Variants in PRPF8 observed in about 807,000 individuals in gnomAD.
PRPF8 encodes the protein pre-mRNA processing factor 8, also known as pre-mRNA-processing-splicing factor 8.
A neutral mutation model predicts 285.9 loss-of-function variants in PRPF8; 64 were observed. That is an observed-to-expected ratio of 0.22 (90% CI 0.18 to 0.28). The LOEUF is 0.28. PRPF8 is among the 10% of genes least tolerant of loss of function. PRPF8 has a pLI of 1.00. For synonymous variants in PRPF8, 1,325 were observed against 1,118.2 expected (o/e 1.18, Z -3.69); for missense variants, 1,426 against 3,026.7 (o/e 0.47, Z 12.41).
In PRPF8 at chr17:1,661,885, A is replaced by C. The variant is rs1280844159; in HGVS notation, c.4022+21T>G. On this transcript the variant is annotated intron_variant, in intron 25 of 42. Coordinates refer to ENST00000304992, the MANE Select transcript of PRPF8 (RefSeq NM_006445.4). The surrounding 1 kb of genome is among the most constrained non-coding windows in gnomAD (Gnocchi z 7.3). Reference sequence around the variant, plus strand: ...AGGGCCTGAGCAATAGGGTTTAGAAATACGTTGAACCAGGCTGTACCTGAG... The same window carrying C: ...AGGGCCTGAGCAATAGGGTTTAGAACTACGTTGAACCAGGCTGTACCTGAG... 1 of 1,614,224 alleles carries C rather than the reference A, an allele frequency of 6.2e-7. No individual in the cohort carries two copies. Among genetic ancestry groups the C allele is most frequent in the Non-Finnish European group, 8.5e-7 (1 of 1,180,036 alleles).
At position 1,679,283 on chromosome 17, in the gene PRPF8, C is replaced by A. The variant is rs1219616217; in HGVS notation, c.1409+8G>T. ...AGAAGTCTGCGCAGGGCCCCTGGGG[C>A]ACCTTACCTCTTCTTTTGAGCCTTA... On this transcript the variant is annotated splice_region_variant and intron_variant, in intron 10 of 42. Coordinates refer to ENST00000304992, the MANE Select transcript of PRPF8 (RefSeq NM_006445.4). This position sits in a 1 kb window ranked among gnomAD's most constrained non-coding sequence, Gnocchi z 4.7. 35 of 1,614,046 alleles carry A rather than the reference C, an allele frequency of 2.2e-5. No homozygotes were observed. The highest frequency in any genetic ancestry group is 2.8e-5 in the Non-Finnish European group (33 of 1,180,048).
At chr17:1,683,838 C>T (rs1913075576) in intron 2 of PRPF8, 137 bp from the exon 3 acceptor site, 2 of 1,004,692 alleles carry the variant, frequency 2.0e-6, no homozygotes, top group Non-Finnish European at 1.5e-6. Context: ...TTGCCAATTC[C>T]CTTACCATTT....
chr17:1,663,957 T>TA (rs1911815316), intron 24 of PRPF8, among the ~76,000 whole-genome samples: 1 of 152,152 alleles, frequency 6.6e-6, no homozygotes, highest in African/African-American at 2.4e-5. Context: ...CTAATAATCC[T>TA]AAATACATTA....
intron 2 of PRPF8, among the ~76,000 whole-genome samples, chr17:1,684,041 C>G (rs755409100): frequency 1.3e-5 from 2 of 152,072 alleles, no homozygotes; most frequent in Non-Finnish European, 2.9e-5. Flanking sequence ...CACGCGCCAC[C>G]ACACACGACT....
Position 1,680,308 on chromosome 17 carries a change from T to G in PRPF8, c.1098+418A>C, listed in dbSNP as rs2151130705. On this transcript the variant is annotated intron_variant, in intron 8 of 42. Transcript: ENST00000304992. The stretch of plus-strand genomic sequence containing the variant: ...AAATGGCGAGTAACTGCTAAGGGTT[T>G]CTTTCTCAAGTAATAAAAATATTCT... Among the ~76,000 whole-genome samples the G allele has an allele frequency of 2.0e-5, 3 of 152,350 alleles. No homozygotes were observed. In the Middle Eastern group the frequency reaches 0.01, roughly 518 times the overall value.
At chr17:1,677,806 G>A (rs1018023419) in intron 13 of PRPF8, 112 bp from the exon 14 acceptor site, 5 of 1,397,348 alleles carry the variant, frequency 3.6e-6, no homozygotes, top group Admixed American at 1.7e-5. Flanking sequence ...GAGGAATGTA[G>A]GTATGGCAGT....
Position 1,679,047 on chromosome 17 carries a change from G to A in PRPF8, c.1569C>T (p.Asn523=), listed in dbSNP as rs1035101174. 1.9e-6 allele frequency: 3 copies of A among 1,614,076 alleles called. No individual in the cohort carries two copies. Among genetic ancestry groups the A allele is most frequent in the Non-Finnish European group, 2.5e-6 (3 of 1,180,040 alleles). ...LNYLHLDYNF[N]LKPVKTLTTK... ...TGGTGAGCGTTTTCACAGGCTTGAG[G>A]TTGAAGTTGTAGTCCAGGTGCAGGT... The change falls in exon 11 of 43, where the codon AAC becomes AAT. Residue 523 remains asparagine, a synonymous_variant. Coordinates refer to ENST00000304992, the MANE Select transcript of PRPF8 (RefSeq NM_006445.4). This position sits in a 1 kb window ranked among gnomAD's most constrained non-coding sequence, Gnocchi z 4.7.
chr17:1,677,349 C>A, intron 14 of PRPF8, 177 bp from the exon 15 acceptor site: 2 of 960,052 alleles, frequency 2.1e-6, no homozygotes, highest in Admixed American at 4.1e-5. Flanking sequence ...AACTATGCTT[C>A]TGAGGAATTT....
In PRPF8 at chr17:1,650,649, T is replaced by C; in HGVS notation, c.*153A>G. 1 of 831,708 alleles carries C rather than the reference T, an allele frequency of 1.2e-6. No homozygotes were observed. The highest frequency in any genetic ancestry group is 1.9e-6 in the Non-Finnish European group (1 of 535,118). The allele number at this position is 831,708 out of a possible 1,614,324, so 51.5% of individuals were successfully genotyped here. A position where few individuals can be genotyped will look rare whatever the true frequency, so the allele number is the denominator to read the frequency against. On this transcript the variant is annotated 3_prime_UTR_variant, in exon 43 of 43. Transcript: ENST00000304992. ...TGAACTCCTATTTATACAAAATTTA[T>C]TATTATATTTTATTCAGGATGACAA...
In PRPF8 at chr17:1,675,494, G is replaced by T; in HGVS notation, c.2872+126C>A. The T allele has an allele frequency of 6.9e-7, 1 of 1,452,424 alleles. No individual in the cohort carries two copies. The highest frequency in any genetic ancestry group is 9.6e-7 in the Non-Finnish European group (1 of 1,037,350). 90.0% of individuals were successfully genotyped at this position (1,452,424 alleles called of 1,614,324 possible). On this transcript the variant is annotated intron_variant, in intron 19 of 42. Transcript: ENST00000304992. This position sits in a 1 kb window ranked among gnomAD's most constrained non-coding sequence, Gnocchi z 6.0. ...TATGGGCTTTTCCTCAGTTTAACACGAACACTACTTCCCTTTACTACCACG... is the reference window on the plus strand; with the variant it reads ...TATGGGCTTTTCCTCAGTTTAACACTAACACTACTTCCCTTTACTACCACG...
At position 1,675,447 on chromosome 17, in the gene PRPF8, TATTC is replaced by T; in HGVS notation, c.2873-112_2873-109del. ...TAACCAATCCCACTATGATTCCACG[TATTC>T]ATTTGGATTGCTTTGACTATGGGCT... On this transcript the variant is annotated intron_variant, in intron 19 of 42. Transcript: ENST00000304992. This position sits in a 1 kb window ranked among gnomAD's most constrained non-coding sequence, Gnocchi z 6.0. 2 of 1,458,616 alleles carry T rather than the reference TATTC, an allele frequency of 1.4e-6. No homozygotes were observed. Among genetic ancestry groups the T allele is most frequent in the Non-Finnish European group, 1.9e-6 (2 of 1,043,122 alleles). The allele number at this position is 1,458,616 out of a possible 1,614,324, so 90.4% of individuals were successfully genotyped here.
At chr17:1,652,242 C>T (rs1911118971) in intron 39 of PRPF8, 2 of 307,724 alleles carry the variant, frequency 6.5e-6, no homozygotes, top group Admixed American at 4.6e-5. Flanking sequence ...CTGACAGCCA[C>T]TAAATAGTGG....
rs1300323652 is a variant in PRPF8, at chr17:1,679,493, A to C, written c.1290-83T>G. On this transcript the variant is annotated intron_variant, in intron 9 of 42. Coordinates refer to ENST00000304992, the MANE Select transcript of PRPF8 (RefSeq NM_006445.4). The surrounding 1 kb of genome is among the most constrained non-coding windows in gnomAD (Gnocchi z 4.7). Reference sequence around the variant, plus strand: ...GGCTGCAAGCCTTGGGTTGTCTACCATTTTTATGGGAAAAAAAAAAAAAGA... The same window carrying C: ...GGCTGCAAGCCTTGGGTTGTCTACCCTTTTTATGGGAAAAAAAAAAAAAGA... The C allele has an allele frequency of 3.8e-6, 6 of 1,585,920 alleles. No homozygotes were observed. Among genetic ancestry groups the C allele is most frequent in the Non-Finnish European group, 5.1e-6 (6 of 1,172,844 alleles).
chr17:1,657,097 G>A (rs756227907), intron 34 of PRPF8, among the ~76,000 whole-genome samples: 8 of 151,702 alleles, frequency 5.3e-5, no homozygotes, highest in Non-Finnish European at 1.0e-4. Flanking sequence ...GTGATTAACA[G>A]AGCAAAGAGG....
chr17:1,672,856 C>T, intron 24 of PRPF8: 1 of 605,834 alleles, frequency 1.7e-6, no homozygotes, highest in Non-Finnish European at 2.9e-6. Flanking sequence ...TTAGAATCAT[C>T]ACAAGTCCAC....
chr17:1,673,291 A>G lies in PRPF8; in HGVS notation c.3657+66T>C, dbSNP rs1486099844. The stretch of plus-strand genomic sequence containing the variant: ...CACTCAAGTCTTTCCACCCAACAAG[A>G]CTCCGGTGACTGACCCAGGAAGTGC... On this transcript the variant is annotated intron_variant, in intron 23 of 42. Transcript: ENST00000304992. This position sits in a 1 kb window ranked among gnomAD's most constrained non-coding sequence, Gnocchi z 5.5. 24 of 1,606,298 alleles carry G rather than the reference A, an allele frequency of 1.5e-5. No individual in the cohort carries two copies. The highest frequency in any genetic ancestry group is 1.3e-4 in the Admixed American group (8 of 59,798).
At chr17:1,660,304 C>A in intron 30 of PRPF8, 128 bp downstream of exon 30, 1 of 1,521,396 alleles carries the variant, frequency 6.6e-7, no homozygotes, top group Non-Finnish European at 9.0e-7. Flanking sequence ...ACGATTCCAC[C>A]TGAGCTGACT....
In PRPF8 at chr17:1,676,033, C is replaced by A; in HGVS notation, c.2574G>T (p.Gln858His). 1 of 1,613,358 alleles carries A rather than the reference C, an allele frequency of 6.2e-7. No homozygotes were observed. The highest frequency in any genetic ancestry group is 8.5e-7 in the Non-Finnish European group (1 of 1,180,024). The change falls in exon 18 of 43, where the codon CAG (glutamine) becomes CAT (histidine). Residue 858 changes from glutamine (Q) to histidine (H), a missense_variant. This residue lies in a region of PRPF8 where 70 missense variants were observed against 273.7 expected (regional missense o/e 0.26). Transcript: ENST00000304992. The surrounding 1 kb of genome is among the most constrained non-coding windows in gnomAD (Gnocchi z 6.3). ...TCAGACCTAGCTCCTCCCTCTGAGA[C>A]TGGTTCAACCGAGACTTCACACTGA... ...EAYSVKSRLNQSQREELGLIE... is the reference protein window; with the variant it reads ...EAYSVKSRLNHSQREELGLIE...
Position 1,662,148 on chromosome 17 carries a change from C to G in PRPF8, c.3780G>C (p.Val1260=). 6.2e-7 allele frequency: 1 copy of G among 1,614,114 alleles called. No individual in the cohort carries two copies. Among genetic ancestry groups the G allele is most frequent in the Non-Finnish European group, 8.5e-7 (1 of 1,180,034 alleles). ...CAATGAGAGCTGTATTCCACTTATT[C>G]ACAATCTAAAGGTAGTAGAAAAAAA... is the stretch of plus-strand genomic sequence containing the variant. ...ASGSTTFTKI[V]NKWNTALIGL... Residue 1260 remains valine (V), a synonymous_variant, in exon 25 of 43, where the codon GTG becomes GTC. Transcript: ENST00000304992.
Sources: allele counts gnomAD v4.1 joint callset (sites outside exome capture counted in the v4.1 genomes callset), GRCh38; gene constraint gnomAD v4.1.1; regional missense constraint gnomAD v4.1.1; non-coding constraint Gnocchi (gnomAD v3.1); transcripts MANE v1.5; gene names NCBI Gene and HGNC (gene_info 2026-07-23, HGNC 2026-07-21).